PBX1: variants seen among roughly 807,000 people sequenced by gnomAD.
PBX1 encodes the protein pre-B-cell leukemia transcription factor 1.
Under a neutral mutation model 53.4 loss-of-function variants are expected in PBX1, and 6 were observed. The ratio of observed to expected loss-of-function variants is 0.11; its 90% CI spans 0.06 to 0.22. PBX1 has a LOEUF of 0.22. PBX1 is among the 10% of genes least tolerant of loss of function. The probability of loss-of-function intolerance (pLI) is 1.00; values close to 1 mark genes in which losing one functional copy is unlikely to be tolerated. For missense variants in PBX1, 251 were observed against 551.4 expected (o/e 0.46, Z 5.46); for synonymous variants, 204 against 212.3 (o/e 0.96, Z 0.34).
intron 2 of PBX1, among the ~76,000 whole-genome samples, chr1:164,747,356 T>C (rs149892008): frequency 6.6e-6 from 1 of 152,154 alleles, no homozygotes; most frequent in Non-Finnish European, 1.5e-5. Context: ...CATATGTATG[T>C]ATGTATTTTA....
At chr1:164,859,189 G>T (rs935755606) in intron 2 of PBX1, among the ~76,000 whole-genome samples, 1 of 152,126 alleles carries the variant, frequency 6.6e-6, no homozygotes, top group Non-Finnish European at 1.5e-5. Flanking sequence ...CTTTCTTAGA[G>T]AATGGAACAA....
chr1:164,784,026 C>T (rs1296547155), intron 2 of PBX1, among the ~76,000 whole-genome samples: 1 of 152,200 alleles, frequency 6.6e-6, no homozygotes, highest in African/African-American at 2.4e-5. Flanking sequence ...ACCAATGGCT[C>T]CACATTTTTC....
At chr1:164,706,247 T>C (rs904916202) in intron 2 of PBX1, among the ~76,000 whole-genome samples, 3 of 152,212 alleles carry the variant, frequency 2.0e-5, no homozygotes, top group Non-Finnish European at 4.4e-5. Flanking sequence ...TGGAAACTTC[T>C]GTAGGCAGGG....
chr1:164,619,928 C>G (rs1013765608), intron 2 of PBX1, among the ~76,000 whole-genome samples: 1 of 152,194 alleles, frequency 6.6e-6, no homozygotes, highest in African/African-American at 2.4e-5. Flanking sequence ...AATCCCAGCA[C>G]TTTGGGAGGC....
intron 2 of PBX1, among the ~76,000 whole-genome samples, chr1:164,784,978 A>G (rs1668105113): frequency 6.6e-6 from 1 of 152,202 alleles, no homozygotes; most frequent in South Asian, 2.1e-4. Flanking sequence ...GACCTAGATT[A>G]AGTCCCACCT....
intron 3 of PBX1, among the ~76,000 whole-genome samples, chr1:164,793,174 A>G (rs952613291): frequency 6.6e-6 from 1 of 152,048 alleles, no homozygotes; most frequent in African/African-American, 2.4e-5. Context: ...GGAGGCCTAT[A>G]CTTTTTCTGG....
At chr1:164,876,005 T>TATATATATATAC (rs1487676214) in intron 2 of PBX1, among the ~76,000 whole-genome samples, 1 of 56,792 alleles carries the variant, frequency 1.8e-5, no homozygotes, top group African/African-American at 3.3e-5. Flanking sequence ...TATATATATA[T>TATATATATATAC]ACACACATAC....
chr1:164,632,306 G>A (rs1032661095), intron 2 of PBX1, among the ~76,000 whole-genome samples: 6 of 152,048 alleles, frequency 3.9e-5, no homozygotes, highest in Non-Finnish European at 5.9e-5. Context: ...TGCTACCCTC[G>A]CCCCTTTCAT....
intron 8 of PBX1, among the ~76,000 whole-genome samples, chr1:164,838,484 T>C (rs767385131): frequency 7.2e-5 from 11 of 152,174 alleles, no homozygotes; most frequent in Admixed American, 1.3e-4. Context: ...ATAAACAACA[T>C]AGGGATTCCC....
Position 164,870,356 on chromosome 1 carries a change from T to TCTTCCTTC in PBX1, n.258-28829_258-28828insCCTTCCTT, listed in dbSNP as rs1258816118. ...TTCTTTCTTTCTTTCTTTCTTTCTT[T>TCTTCCTTC]CTTTCGAGATGAAGTCTTGCTCTGT... On this transcript the variant is annotated intron_variant and non_coding_transcript_variant, in intron 2 of 2. Transcript: ENST00000558796. Among the ~76,000 whole-genome samples the TCTTCCTTC allele has an allele frequency of 2.9e-4, 23 of 80,240 alleles. 3 individuals carry two copies. The highest frequency in any genetic ancestry group is 9.3e-4 in the African/African-American group (22 of 23,760). The allele number at this position is 80,240 out of a possible 152,430, so 52.6% of individuals were successfully genotyped here. A position where few individuals can be genotyped will look rare whatever the true frequency, so the allele number is the denominator to read the frequency against.
intron 2 of PBX1, among the ~76,000 whole-genome samples, chr1:164,638,461 A>G (rs1278930881): frequency 1.3e-5 from 2 of 152,244 alleles, no homozygotes; most frequent in South Asian, 2.1e-4. Context: ...ACTTGTAAGC[A>G]GGAAGAGGAA....
intron 2 of PBX1, among the ~76,000 whole-genome samples, chr1:164,867,064 A>G (rs1672235833): frequency 6.6e-6 from 1 of 152,212 alleles, no homozygotes; most frequent in Admixed American, 6.5e-5. Context: ...GGAGATTAGA[A>G]AATTTATTAG....
At chr1:164,675,798 T>A (rs1384283443) in intron 2 of PBX1, among the ~76,000 whole-genome samples, 1 of 152,152 alleles carries the variant, frequency 6.6e-6, no homozygotes, top group East Asian at 1.9e-4. Flanking sequence ...ATGAAAACTT[T>A]CAAGCAGATC....
In PBX1 at chr1:164,847,822, G is replaced by A. The variant is rs539466769; in HGVS notation, c.*1146G>A. The A allele has an allele frequency of 8.3e-5, 88 of 1,054,728 alleles. No homozygotes were observed. The highest frequency in any genetic ancestry group is 9.7e-5 in the Non-Finnish European group (85 of 872,700). The allele number at this position is 1,054,728 out of a possible 1,614,324, so 65.3% of individuals were successfully genotyped here. The stretch of plus-strand genomic sequence containing the variant: ...TTCCAGGACCTGCAGGCCCACTAGC[G>A]TGCACTTACCAGAATGGCATACACA... On this transcript the variant is annotated 3_prime_UTR_variant, in exon 9 of 9. Transcript: ENST00000420696.
chr1:164,660,540 C>T (rs1050010311), intron 2 of PBX1, among the ~76,000 whole-genome samples: 2 of 151,854 alleles, frequency 1.3e-5, no homozygotes, highest in East Asian at 2.0e-4. Context: ...TCCTTGTCAC[C>T]CTATCAGCTA....
intron 2 of PBX1, among the ~76,000 whole-genome samples, chr1:164,669,802 C>T (rs925749308): frequency 3.3e-5 from 5 of 152,106 alleles, no homozygotes; most frequent in East Asian, 1.9e-4. Context: ...TGTCACAGAC[C>T]GTCATGAAGT....
At chr1:164,756,222 G>A (rs891916632) in intron 2 of PBX1, among the ~76,000 whole-genome samples, 24 of 152,092 alleles carry the variant, frequency 1.6e-4, no homozygotes, top group African/African-American at 5.8e-4. Context: ...GATGGCTGGG[G>A]ACAAAGACCA....
At chr1:164,618,481 G>A (rs1338132268) in intron 2 of PBX1, among the ~76,000 whole-genome samples, 3 of 152,150 alleles carry the variant, frequency 2.0e-5, no homozygotes, top group African/African-American at 7.2e-5. Flanking sequence ...TCAGTGATCT[G>A]ATAATTTGGA....
intron 2 of PBX1, among the ~76,000 whole-genome samples, chr1:164,651,231 T>TGGGGAGGGGGTGGTGGAGGCTGTGCA (rs544430210): frequency 2.6e-5 from 4 of 151,934 alleles, no homozygotes; most frequent in African/African-American, 7.3e-5. Flanking sequence ...CCTTCAGCTT[T>TGGGGAGGGGGTGGTGGAGGCTGTGCA]GGGGAGGGGG....
Sources: gnomAD v4.1 joint callset for allele counts (sites outside exome capture counted in the v4.1 genomes callset) on GRCh38, gnomAD v4.1.1 for gene constraint, MANE v1.5 for transcripts, NCBI Gene and HGNC (gene_info 2026-07-23, HGNC 2026-07-21) for gene names.